The following TOX3 variants were observed in gnomAD, a reference collection of about 807,000 sequenced individuals.
TOX3 encodes the protein CAG trinucleotide repeat-containing gene F9 protein.
TOX3 carries 22 observed loss-of-function variants against 64.3 expected under a neutral mutation model. The observed-to-expected ratio is 0.34, with a 90% CI of 0.24 to 0.49. TOX3 has a LOEUF of 0.49. TOX3 is among the 20% of genes least tolerant of loss of function. The pLI is 0.99. For missense variants in TOX3, 661 were observed against 714.4 expected, an observed-to-expected ratio of 0.93 and a Z score of 0.85; for synonymous variants, 291 against 273.6, an observed-to-expected ratio of 1.06 and a Z score of -0.63.
chr16:52,458,159 A>T (rs1960578476), intron 3 of TOX3, among the ~76,000 whole-genome samples: 2 of 152,198 alleles, frequency 1.3e-5, no homozygotes, highest in African/African-American at 4.8e-5. Context: ...GTATGCTCTT[A>T]ATAACAAGTA....
At chr16:52,530,564 C>T (rs980240873) in intron 1 of TOX3, among the ~76,000 whole-genome samples, 1 of 152,070 alleles carries the variant, frequency 6.6e-6, no homozygotes, top group African/African-American at 2.4e-5. Context: ...CCAGGATGGT[C>T]TGGAACTCCT....
chr16:52,444,499 G>GCACACACA (rs200173557), intron 5 of TOX3, 143 bp from the exon 6 acceptor site: 9,456 of 380,136 alleles, frequency 0.025, 378 homozygotes, highest in African/African-American at 0.13. Flanking sequence ...GTTAGCGCAT[G>GCACACACA]CACACACACA....
At chr16:52,529,107 C>G (rs1446730990) in intron 1 of TOX3, among the ~76,000 whole-genome samples, 1 of 152,258 alleles carries the variant, frequency 6.6e-6, no homozygotes. Context: ...GTCAGGAGGT[C>G]AACTTTCAGG....
At chr16:52,512,397 C>T (rs1962334886) in intron 1 of TOX3, among the ~76,000 whole-genome samples, 1 of 152,118 alleles carries the variant, frequency 6.6e-6, no homozygotes, top group Non-Finnish European at 1.5e-5. Context: ...AACTTGACTC[C>T]AGAGATAATC....
chr16:52,446,255 T>C, intron 4 of TOX3, 34 bp from the exon 5 acceptor site: 2 of 1,597,724 alleles, frequency 1.3e-6, no homozygotes, highest in African/African-American at 1.3e-5. Flanking sequence ...CTGCCTAGAA[T>C]GTACTTGCAG....
intron 1 of TOX3, among the ~76,000 whole-genome samples, chr16:52,476,733 A>G (rs1465795847): frequency 1.3e-5 from 2 of 152,200 alleles, no homozygotes; most frequent in African/African-American, 4.8e-5. Flanking sequence ...CACTTAACTG[A>G]GTCCCTATTA....
rs575149600 is a variant in TOX3 at position 52,437,749 on chromosome 16, C to T, written c.*1476G>A. On this transcript the variant is annotated 3_prime_UTR_variant, in exon 7 of 7. Coordinates refer to ENST00000219746, the MANE Select transcript of TOX3 (RefSeq NM_001080430.4). The stretch of plus-strand genomic sequence containing the variant: ...GCTAGTTCTAGCCCCCTCAAAAAAG[C>T]GATTACTTTTTTCTCTATACTTACC... 7.4e-6 allele frequency among the ~76,000 whole-genome samples: 1 copy of T among 134,466 alleles called. No individual in the cohort carries two copies. The highest frequency in any genetic ancestry group is 1.5e-5 in the Non-Finnish European group (1 of 65,320). 88.2% of individuals were successfully genotyped at this position (134,466 alleles called of 152,430 possible). A position where few individuals can be genotyped will look rare whatever the true frequency, so the allele number is the denominator to read the frequency against.
intron 1 of TOX3, among the ~76,000 whole-genome samples, chr16:52,535,788 G>A (rs561436095): frequency 6.6e-6 from 1 of 151,982 alleles, no homozygotes; most frequent in African/African-American, 2.4e-5. Flanking sequence ...CCCTGCCTAG[G>A]CAAAATCCAC....
intron 1 of TOX3, among the ~76,000 whole-genome samples, chr16:52,481,544 C>G (rs1218185733): frequency 6.6e-6 from 1 of 152,156 alleles, no homozygotes; most frequent in East Asian, 1.9e-4. Context: ...GCATATATAA[C>G]ATATAATCAC....
intron 1 of TOX3, among the ~76,000 whole-genome samples, chr16:52,503,145 T>C (rs79655921): frequency 0.011 from 1,751 of 152,274 alleles, 16 homozygotes; most frequent in Non-Finnish European, 0.016. Context: ...AAGATGATGT[T>C]TTTTAGGGTC....
intron 1 of TOX3, among the ~76,000 whole-genome samples, chr16:52,541,795 G>C (rs900298593): frequency 6.6e-6 from 1 of 152,170 alleles, no homozygotes; most frequent in African/African-American, 2.4e-5. Context: ...CAGTAGCCCA[G>C]CATCTGGAGT....
rs577808741 is a variant in TOX3, at chr16:52,484,117, T to C, written c.88-15543A>G. ...AACATTTTTGACCCTAAACAAAATG[T>C]AATATATTTTAAAAGGAGCCTAAAG... On this transcript the variant is annotated intron_variant, in intron 1 of 6. Transcript: ENST00000219746. Among the ~76,000 whole-genome samples the C allele has an allele frequency of 3.3e-5, 5 of 152,298 alleles. No individual in the cohort carries two copies. In the East Asian group the frequency reaches 9.7e-4, roughly 29 times the overall value.
intron 1 of TOX3, among the ~76,000 whole-genome samples, chr16:52,473,680 T>G (rs1961116597): frequency 6.6e-6 from 1 of 152,104 alleles, no homozygotes; most frequent in East Asian, 1.9e-4. Context: ...AACAAGCCAA[T>G]ATGGCGGATG....
At chr16:52,530,730 A>T (rs2051271667) in intron 1 of TOX3, among the ~76,000 whole-genome samples, 1 of 151,368 alleles carries the variant, frequency 6.6e-6, no homozygotes, top group Non-Finnish European at 1.5e-5. Context: ...TCCCTGATAT[A>T]AGAATCTTCT....
At chr16:52,480,779 A>G (rs1420394135) in intron 1 of TOX3, among the ~76,000 whole-genome samples, 1 of 152,254 alleles carries the variant, frequency 6.6e-6, no homozygotes, top group East Asian at 1.9e-4. Flanking sequence ...CTCTTAAACC[A>G]TAATCATGTT....
rs184096376 is a variant in TOX3, at chr16:52,446,064, T to G, written c.836A>C (p.Asn279Thr). The G allele has an allele frequency of 6.2e-7, 1 of 1,613,956 alleles. No homozygotes were observed. The highest frequency in any genetic ancestry group is 2.2e-5 in the East Asian group (1 of 44,866). The change falls in exon 5 of 7, where the codon AAT becomes ACT. Residue 279 changes from asparagine (N) to threonine (T), a missense_variant. This residue lies in a region of TOX3 where 103 missense variants were observed against 161.2 expected (regional missense o/e 0.64). Transcript: ENST00000219746. ...TTTTGAGACCTCTCCAAAGGTTGCATTGGGGTTTTGACCTTTAATTGCAGC... is the reference window on the plus strand; with the variant it reads ...TTTTGAGACCTCTCCAAAGGTTGCAGTGGGGTTTTGACCTTTAATTGCAGC... ...TQAAIKGQNP[N>T]ATFGEVSKIV...
rs1168498170 is a variant in TOX3 at position 52,465,005 on chromosome 16, C to CTTTTTTTTTTTTTTTTT, written c.154-834_154-818dup. On this transcript the variant is annotated intron_variant, in intron 2 of 6. Coordinates refer to ENST00000219746, the MANE Select transcript of TOX3 (RefSeq NM_001080430.4). ...AGACCTAAGTAAGTCTTAATGCATT[C>CTTTTTTTTTTTTTTTTT]TTTTTTTTTTTTTTTTTTTTTTTTT... 4.9e-4 allele frequency among the ~76,000 whole-genome samples: 35 copies of CTTTTTTTTTTTTTTTTT among 70,956 alleles called. 9 individuals carry two copies. The highest frequency in any genetic ancestry group is 8.4e-4 in the African/African-American group (14 of 16,746). 46.5% of individuals were successfully genotyped at this position (70,956 alleles called of 152,430 possible).
At position 52,437,345 on chromosome 16, in the gene TOX3, G is replaced by A. The variant is rs984931005; in HGVS notation, c.*1880C>T. 1.3e-5 allele frequency: 2 copies of A among 152,166 alleles called. No homozygotes were observed. Among genetic ancestry groups the A allele is most frequent in the Admixed American group, 1.3e-4 (2 of 15,274 alleles). 9.4% of individuals were successfully genotyped at this position (152,166 alleles called of 1,614,324 possible). A position where few individuals can be genotyped will look rare whatever the true frequency, so the allele number is the denominator to read the frequency against. The stretch of plus-strand genomic sequence containing the variant: ...TCTCTGAAATACAACAACTTTGAGG[G>A]ATCCATATTCCATTATTTTTGAATG... On this transcript the variant is annotated 3_prime_UTR_variant, in exon 7 of 7. Transcript: ENST00000219746.
At chr16:52,528,776 A>C (rs1309312337) in intron 1 of TOX3, among the ~76,000 whole-genome samples, 5 of 152,212 alleles carry the variant, frequency 3.3e-5, no homozygotes, top group Non-Finnish European at 7.3e-5. Flanking sequence ...GTACATTTGT[A>C]TTGCCATGAG....
Sources: allele counts gnomAD v4.1 joint callset (sites outside exome capture counted in the v4.1 genomes callset), GRCh38; gene constraint gnomAD v4.1.1; regional missense constraint gnomAD v4.1.1; transcripts MANE v1.5; gene names NCBI Gene and HGNC (gene_info 2026-07-23, HGNC 2026-07-21).